The following AP1M1 variants were observed in gnomAD, a reference collection of about 807,000 sequenced individuals.
AP1M1 encodes AP-1 complex subunit mu-1.
In AP1M1, 18 loss-of-function variants were observed where a neutral mutation model predicts 57.1. The ratio of observed to expected loss-of-function variants is 0.32; its 90% confidence interval spans 0.22 to 0.47. The LOEUF (loss-of-function observed/expected upper bound fraction) is 0.47, where lower values mean the gene tolerates loss of function less well. Ranked by LOEUF, AP1M1 falls within the 20% of genes least tolerant of loss-of-function variation. The probability of loss-of-function intolerance (pLI) is 1.00; values close to 1 mark genes in which losing one functional copy is unlikely to be tolerated. For synonymous variants in AP1M1, 241 were observed against 237.9 expected (o/e 1.01, Z -0.12); for missense variants, 362 against 593.5 (o/e 0.61, Z 4.05).
At chr19:16,234,383 C>T (rs917377037) in intron 11 of AP1M1, 30 bp from the exon 12 acceptor site, 1 of 1,613,834 alleles carries the variant, frequency 6.2e-7, no homozygotes, top group African/African-American at 1.3e-5. Flanking sequence ...GGTGCAGAGC[C>T]CAGCATGACG....
At chr19:16,216,910 C>A in intron 5 of AP1M1, among the ~76,000 whole-genome samples, 1 of 152,222 alleles carries the variant, frequency 6.6e-6, no homozygotes, top group East Asian at 1.9e-4. Flanking sequence ...TTCTTGTTTG[C>A]ATGTGCCAGC....
chr19:16,198,329 C>G (rs1299028277), intron 1 of AP1M1: 1 of 260,462 alleles, frequency 3.8e-6, no homozygotes, highest in Non-Finnish European at 7.3e-6. Flanking sequence ...GCACCGCCCT[C>G]TGCTCCCCGG....
chr19:16,227,960 C>G lies in AP1M1; in HGVS notation c.817-177C>G, dbSNP rs571311657. Among the ~76,000 whole-genome samples, 9 of 152,338 alleles carry G rather than the reference C, an allele frequency of 5.9e-5. No homozygotes were observed. The highest frequency in any genetic ancestry group is 3.3e-4 in the Admixed American group (5 of 15,306). ...TGCCCCAAGGCCTCCCCGGTAGCTC[C>G]CGGCTACCTCGGCCTGTCTGCCCTG... On this transcript the variant is annotated intron_variant, in intron 7 of 11. Coordinates refer to ENST00000291439, the MANE Select transcript of AP1M1 (RefSeq NM_032493.4). This position sits in a 1 kb window ranked among gnomAD's most constrained non-coding sequence, Gnocchi z 6.2.
intron 10 of AP1M1, 109 bp downstream of exon 10, chr19:16,233,727 C>G (rs1013155029): frequency 1.3e-5 from 18 of 1,391,610 alleles, no homozygotes; most frequent in Middle Eastern, 3.7e-4. Flanking sequence ...CAATCAGGAC[C>G]CTGCTGTGCT....
intron 9 of AP1M1, 98 bp from the exon 10 acceptor site, chr19:16,233,395 G>A (rs1599468139): frequency 2.8e-6 from 4 of 1,420,946 alleles, no homozygotes; most frequent in Middle Eastern, 2.5e-4. Flanking sequence ...CTGGACTGGG[G>A]TGAGTGGTCA....
rs2091430750 is a variant in AP1M1, at chr19:16,197,975, T to TCGCTGCTGCCGCCACCGCCCTCGGC, written c.-46_-45insTGCCGCCACCGCCCTCGGCCGCTGC. The TCGCTGCTGCCGCCACCGCCCTCGGC allele has an allele frequency of 3.4e-6, 5 of 1,451,814 alleles. No homozygotes were observed. The highest frequency in any genetic ancestry group is 4.6e-6 in the Non-Finnish European group (5 of 1,087,928). 89.9% of individuals were successfully genotyped at this position (1,451,814 alleles called of 1,614,324 possible). The stretch of plus-strand genomic sequence containing the variant: ...GCTCAACGCCCAGCAGTCCCCACCG[T>TCGCTGCTGCCGCCACCGCCCTCGGC]CGCTGCCGCCGCCACCGCCCTCGGC... On this transcript the variant is annotated 5_prime_UTR_variant, in exon 1 of 12. Transcript: ENST00000291439.
rs202192686 is a variant in AP1M1, at chr19:16,234,293, G to A, written c.1249+19G>A. 200 of 1,611,688 alleles carry A rather than the reference G, an allele frequency of 1.2e-4. No homozygotes were observed. The highest frequency in any genetic ancestry group is 1.6e-4 in the Middle Eastern group (1 of 6,074). ...AATGGAGGTGAGTGAGGCCCTACCC[G>A]TGGGGTGGGGTTGTACTGAGGGGTC... On this transcript the variant is annotated intron_variant, in intron 11 of 11. Coordinates refer to ENST00000291439, the MANE Select transcript of AP1M1 (RefSeq NM_032493.4).
intron 5 of AP1M1, among the ~76,000 whole-genome samples, chr19:16,216,566 T>C (rs1051375602): frequency 6.6e-6 from 1 of 152,260 alleles, no homozygotes; most frequent in Non-Finnish European, 1.5e-5. Flanking sequence ...TGGGCTGATA[T>C]TCCTTTAGTC....
rs1271610864 is a variant in AP1M1, at chr19:16,227,867, C to T, written c.816+177C>T. ...TCCGAGCTTTCTGAGGGGCACAGACCCCTTTGGCCACCACCACCCCTTTCC... is the reference window on the plus strand; with the variant it reads ...TCCGAGCTTTCTGAGGGGCACAGACTCCTTTGGCCACCACCACCCCTTTCC... On this transcript the variant is annotated intron_variant, in intron 7 of 11. Transcript: ENST00000291439. The surrounding 1 kb of genome is among the most constrained non-coding windows in gnomAD (Gnocchi z 6.2). Among the ~76,000 whole-genome samples, 1 of 152,124 alleles carries T rather than the reference C, an allele frequency of 6.6e-6. No homozygotes were observed. The highest frequency in any genetic ancestry group is 2.4e-5 in the African/African-American group (1 of 41,434).
At chr19:16,205,122 C>T (rs111746724) in intron 2 of AP1M1, among the ~76,000 whole-genome samples, 2,286 of 152,240 alleles carry the variant, frequency 0.015, 61 homozygotes, top group African/African-American at 0.052. Context: ...CGTGAGCCAC[C>T]GTGCCCGGCC....
intron 10 of AP1M1, 102 bp from the exon 11 acceptor site, chr19:16,234,097 G>A: frequency 8.5e-7 from 1 of 1,174,370 alleles, no homozygotes; most frequent in South Asian, 1.5e-5. Flanking sequence ...CTGTCGTCAT[G>A]GCCTCCCCTG....
Position 16,236,823 on chromosome 19 carries a change from C to G in AP1M1, c.*2388C>G, listed in dbSNP as rs1364042147. The G allele has an allele frequency of 6.6e-6, 1 of 152,202 alleles. No individual in the cohort carries two copies. Among genetic ancestry groups the G allele is most frequent in the Non-Finnish European group, 1.5e-5 (1 of 68,048 alleles). The allele number at this position is 152,202 out of a possible 1,614,324, so 9.4% of individuals were successfully genotyped here. ...CTAAGATCCTCGCACACAATAGACC[C>G]TCAACATGAGGGCACATCCTGAAAA... On this transcript the variant is annotated 3_prime_UTR_variant, in exon 12 of 12. Transcript: ENST00000291439.
chr19:16,226,289 G>T, intron 5 of AP1M1, 132 bp from the exon 6 acceptor site: 1 of 1,289,502 alleles, frequency 7.8e-7, no homozygotes, highest in Non-Finnish European at 1.0e-6. Context: ...CTCAGGGGAT[G>T]CCCAGGAGAG....
rs192001799 is a variant in AP1M1, at chr19:16,225,556, G to A, written c.547-865G>A. On this transcript the variant is annotated intron_variant, in intron 5 of 11. Transcript: ENST00000291439. ...AGGACAGGCTAGGGGGTGCAGGACCGTCGCCCCGGTGTGGATTTTCAGTTG... is the reference window on the plus strand; with the variant it reads ...AGGACAGGCTAGGGGGTGCAGGACCATCGCCCCGGTGTGGATTTTCAGTTG... Among the ~76,000 whole-genome samples the A allele has an allele frequency of 9.5e-4, 144 of 152,334 alleles. 3 individuals carry two copies. Among genetic ancestry groups the A allele is most frequent in the Admixed American group, 7.6e-3 (116 of 15,310 alleles).
Position 16,244,882 on chromosome 19 carries a change from T to TTTTTTGTTGTTGTTGTTGTTGTTGTTG in AP1M1, c.*10449_*10450insTTTGTTGTTGTTGTTGTTGTTGTTGTT, listed in dbSNP as rs370663435. 2.7e-5 allele frequency: 4 copies of TTTTTTGTTGTTGTTGTTGTTGTTGTTG among 149,572 alleles called. No individual in the cohort carries two copies. The highest frequency in any genetic ancestry group is 1.0e-4 in the African/African-American group (4 of 39,908). The allele number at this position is 149,572 out of a possible 1,614,324, so 9.3% of individuals were successfully genotyped here. On this transcript the variant is annotated 3_prime_UTR_variant, in exon 12 of 12. Coordinates refer to ENST00000291439, the MANE Select transcript of AP1M1 (RefSeq NM_032493.4). ...TAAATAACATGGATAAAATTTGTTG[T>TTTTTTGTTGTTGTTGTTGTTGTTGTTG]TTGTTGTTGTTGTTGTTGTTGTTGT...
At chr19:16,198,193 G>C (rs1351014994) in intron 1 of AP1M1, 125 bp downstream of exon 1, 3 of 1,060,778 alleles carry the variant, frequency 2.8e-6, no homozygotes, top group East Asian at 5.8e-5. Flanking sequence ...AGAGAGGCCG[G>C]TAGACCTCAC....
At chr19:16,214,662 A>G (rs898477593) in intron 5 of AP1M1, among the ~76,000 whole-genome samples, 1 of 150,828 alleles carries the variant, frequency 6.6e-6, no homozygotes, top group East Asian at 2.0e-4. Context: ...TTCTTTTCAT[A>G]TTTAGTACTT....
In AP1M1 at chr19:16,197,974, G is replaced by A. The variant is rs185553755; in HGVS notation, c.-53G>A. On this transcript the variant is annotated 5_prime_UTR_variant, in exon 1 of 12. Coordinates refer to ENST00000291439, the MANE Select transcript of AP1M1 (RefSeq NM_032493.4). The stretch of plus-strand genomic sequence containing the variant: ...TGCTCAACGCCCAGCAGTCCCCACC[G>A]TCGCTGCCGCCGCCACCGCCCTCGG... 1.3e-3 allele frequency: 2,032 copies of A among 1,512,636 alleles called. 26 individuals are homozygous for A. The highest frequency in any genetic ancestry group is 6.4e-3 in the South Asian group (524 of 82,266). The allele number at this position is 1,512,636 out of a possible 1,614,324, so 93.7% of individuals were successfully genotyped here. A position where few individuals can be genotyped will look rare whatever the true frequency, so the allele number is the denominator to read the frequency against.
chr19:16,236,914 T>C lies in AP1M1; in HGVS notation c.*2479T>C, dbSNP rs1366176147. ...ATCAGATCCTCACGAACTTCAAAGATTATCGGCATGTAAACAAATACACTA... is the reference window on the plus strand; with the variant it reads ...ATCAGATCCTCACGAACTTCAAAGACTATCGGCATGTAAACAAATACACTA... On this transcript the variant is annotated 3_prime_UTR_variant, in exon 12 of 12. Transcript: ENST00000291439. 1 of 152,192 alleles carries C rather than the reference T, an allele frequency of 6.6e-6. No individual in the cohort carries two copies. The highest frequency in any genetic ancestry group is 1.5e-5 in the Non-Finnish European group (1 of 68,024). The allele number at this position is 152,192 out of a possible 1,614,324, so 9.4% of individuals were successfully genotyped here. A position where few individuals can be genotyped will look rare whatever the true frequency, so the allele number is the denominator to read the frequency against.
Sources: allele counts gnomAD v4.1 joint callset (sites outside exome capture counted in the v4.1 genomes callset), GRCh38; gene constraint gnomAD v4.1.1; non-coding constraint Gnocchi (gnomAD v3.1); transcripts MANE v1.5; gene names NCBI Gene and HGNC (gene_info 2026-07-23, HGNC 2026-07-21).